The following ISOC2 variants were observed in gnomAD, a reference collection of about 807,000 sequenced individuals.
The protein encoded by ISOC2 is isochorismatase domain-containing protein 2.
A neutral mutation model predicts 19.3 loss-of-function variants in ISOC2; 15 were observed. That is an observed-to-expected ratio of 0.78 (90% CI 0.52 to 1.20). The LOEUF (loss-of-function observed/expected upper bound fraction) is 1.20. Among genes scored for constraint, ISOC2 ranks in the 50% most tolerant of loss-of-function variants. The pLI is 0.00. For missense variants in ISOC2, 285 were observed against 272.4 expected (o/e 1.05, Z -0.33); for synonymous variants, 106 against 115.8 (o/e 0.92, Z 0.54).
rs556742412 is a variant in ISOC2 at position 55,456,361 on chromosome 19, G to A, written c.126C>T (p.Ala42=). 1.3e-5 allele frequency: 21 copies of A among 1,613,904 alleles called. No homozygotes were observed. In the South Asian group the frequency reaches 2.2e-4, roughly 17 times the overall value. ...AYFPQIVSVA[A]RMLKVARLLE... Reference sequence around the variant, plus strand: ...GCTGAGGTCATACCTTGAGCATGCGGGCAGCCACTGAGACGATCTGTGGGA... The same window carrying A: ...GCTGAGGTCATACCTTGAGCATGCGAGCAGCCACTGAGACGATCTGTGGGA... Residue 42 remains alanine (A), a synonymous_variant, in exon 2 of 6, where the codon GCC becomes GCT. Coordinates refer to ENST00000425675, the MANE Select transcript of ISOC2 (RefSeq NM_001136201.2).
intron 1 of ISOC2, chr19:55,457,103 A>G (rs1183541235): frequency 6.5e-6 from 1 of 153,302 alleles, no homozygotes; most frequent in Non-Finnish European, 1.5e-5. Flanking sequence ...CTGCTCCAAG[A>G]GGAAACTGAG....
At position 55,456,462 on chromosome 19, in the gene ISOC2, C is replaced by G. The variant is rs757689117; in HGVS notation, c.25G>C (p.Gly9Arg). The change falls in exon 2 of 6, where the codon GGC becomes CGC. Residue 9 changes from glycine to arginine, a missense_variant. Transcript: ENST00000425675. MAAARPSL[G>R]RVLPGSSVLF... ...ACAGAGGATCCTGGGAGGACTCGGC[C>G]CAGGCTGGGCCTGGCAGCCGCCATT... is the stretch of plus-strand genomic sequence containing the variant. The G allele has an allele frequency of 6.2e-7, 1 of 1,613,240 alleles. No individual in the cohort carries two copies. The highest frequency in any genetic ancestry group is 8.5e-7 in the Non-Finnish European group (1 of 1,179,614).
At position 55,455,752 on chromosome 19, in the gene ISOC2, G is replaced by A. The variant is rs769034749; in HGVS notation, c.232C>T (p.Arg78Trp). The A allele has an allele frequency of 9.9e-5, 158 of 1,593,784 alleles. No individual in the cohort carries two copies. The highest frequency in any genetic ancestry group is 1.2e-4 in the Non-Finnish European group (145 of 1,170,966). The stretch of plus-strand genomic sequence containing the variant: ...CTGAAGCAGGTCTTGGCCAGCGGCC[G>A]AAGGCCCTCAGTCCCCAGCTCGGGC... ...TVPELGTEGL[R>W]PLAKTCFSMV... The change falls in exon 3 of 6, where the codon CGG (arginine) becomes TGG (tryptophan). Residue 78 changes from arginine (R) to tryptophan (W), a missense_variant. Transcript: ENST00000425675.
intron 1 of ISOC2, among the ~76,000 whole-genome samples, chr19:55,457,631 C>A (rs1353636727): frequency 6.6e-6 from 1 of 151,894 alleles, no homozygotes; most frequent in East Asian, 1.9e-4. Flanking sequence ...GGGTTTGAGA[C>A]CAGCCTGGCC....
At chr19:55,454,887 C>T in intron 5 of ISOC2, 102 bp downstream of exon 5, 3 of 871,468 alleles carry the variant, frequency 3.4e-6, no homozygotes, top group Non-Finnish European at 5.7e-6. Context: ...CCTGGCTCCC[C>T]CTGGAGGCGG....
chr19:55,458,073 A>C (rs1344358760), intron 1 of ISOC2, among the ~76,000 whole-genome samples: 1 of 148,750 alleles, frequency 6.7e-6, no homozygotes, highest in African/African-American at 2.5e-5. Context: ...AAAAAAAAAG[A>C]AAAGAAAGAA....
At chr19:55,461,227 C>A (rs1006632000) in intron 1 of ISOC2, among the ~76,000 whole-genome samples, 7 of 152,150 alleles carry the variant, frequency 4.6e-5, no homozygotes, top group Non-Finnish European at 7.3e-5. Context: ...GCCCGGACTT[C>A]CTGGCTGTGT....
intron 3 of ISOC2, 63 bp downstream of exon 3, chr19:55,455,573 T>C: frequency 7.3e-7 from 1 of 1,370,728 alleles, no homozygotes; most frequent in Non-Finnish European, 9.9e-7. Flanking sequence ...GGGAAGGAGG[T>C]TCTATTTAGG....
Position 55,453,266 on chromosome 19 carries a change from G to C in ISOC2, c.*42C>G. 1 of 1,464,392 alleles carries C rather than the reference G, an allele frequency of 6.8e-7. No individual in the cohort carries two copies. The highest frequency in any genetic ancestry group is 9.4e-7 in the Non-Finnish European group (1 of 1,065,874). The allele number at this position is 1,464,392 out of a possible 1,614,324, so 90.7% of individuals were successfully genotyped here. On this transcript the variant is annotated 3_prime_UTR_variant, in exon 6 of 6. Coordinates refer to ENST00000425675, the MANE Select transcript of ISOC2 (RefSeq NM_001136201.2). ...GGGGAACGGGCTTCCACTGAGGTCC[G>C]GGTGACAGGAGGGTGGTCTTCCCTC...
intron 5 of ISOC2, chr19:55,454,708 T>C: frequency 2.1e-6 from 1 of 479,696 alleles, no homozygotes; most frequent in African/African-American, 1.9e-5. Flanking sequence ...TAAAGTCACC[T>C]GCTCCAGGAT....
Position 55,455,662 on chromosome 19 carries a change from C to T in ISOC2, c.322G>A (p.Gly108Ser). The change falls in exon 3 of 6, where the codon GGC becomes AGC. Residue 108 changes from glycine (G) to serine (S), a missense_variant. Transcript: ENST00000425675. ...AAGATGCAGGCCTGTGCCTCAATGC[C>T]ACAGAGCAGCACAGAGCGCAGCTGG... ...RPQLRSVLLC[G>S]IEAQACILNT... The T allele has an allele frequency of 6.2e-7, 1 of 1,602,648 alleles. No individual in the cohort carries two copies. The highest frequency in any genetic ancestry group is 2.2e-5 in the East Asian group (1 of 44,576).
chr19:55,455,626 A>G lies in ISOC2; in HGVS notation c.348+10T>C. On this transcript the variant is annotated intron_variant, in intron 3 of 5. Coordinates refer to ENST00000425675, the MANE Select transcript of ISOC2 (RefSeq NM_001136201.2). ...GAACGAGGGACCCCTGGGGTCAGTC[A>G]GCATCTCACCAAGATGCAGGCCTGT... is the stretch of plus-strand genomic sequence containing the variant. 1 of 1,572,856 alleles carries G rather than the reference A, an allele frequency of 6.4e-7. No individual in the cohort carries two copies. The highest frequency in any genetic ancestry group is 8.7e-7 in the Non-Finnish European group (1 of 1,153,954).
chr19:55,455,692 G>T lies in ISOC2; in HGVS notation c.292C>A (p.Arg98=). ...AGCAGCACAGAGCGCAGCTGGGGCC[G>T]ACTGTCCAGCTCCTGCTGCAGGGCA... ...VPALQQELDS[R]PQLRSVLLCG... Residue 98 remains arginine, a synonymous_variant, in exon 3 of 6, where the codon CGG becomes AGG. Coordinates refer to ENST00000425675, the MANE Select transcript of ISOC2 (RefSeq NM_001136201.2). 1.2e-6 allele frequency: 2 copies of T among 1,610,744 alleles called. No individual in the cohort carries two copies. Among genetic ancestry groups the T allele is most frequent in the South Asian group, 1.1e-5 (1 of 90,554 alleles).
intron 5 of ISOC2, chr19:55,454,554 G>A: frequency 6.1e-6 from 1 of 162,894 alleles, no homozygotes; most frequent in South Asian, 1.7e-4. Context: ...TGGAGGAGGG[G>A]CACCCGGGCC....
chr19:55,454,592 G>A (rs1286418051), intron 5 of ISOC2: 2 of 174,076 alleles, frequency 1.1e-5, no homozygotes, highest in Admixed American at 1.2e-4. Context: ...AGGAGATGGA[G>A]AGTTGGAGAT....
rs1986054111 is a variant in ISOC2 at position 55,456,183 on chromosome 19, T to C, written c.138+166A>G. 3 of 574,324 alleles carry C rather than the reference T, an allele frequency of 5.2e-6. No homozygotes were observed. The Admixed American group carries it at 9.6e-5, about 18-fold the overall frequency. 35.6% of individuals were successfully genotyped at this position (574,324 alleles called of 1,614,324 possible). A position where few individuals can be genotyped will look rare whatever the true frequency, so the allele number is the denominator to read the frequency against. On this transcript the variant is annotated intron_variant, in intron 2 of 5. Coordinates refer to ENST00000425675, the MANE Select transcript of ISOC2 (RefSeq NM_001136201.2). ...CTGAGGGTGGAGGGCTGAGCCTGGA[T>C]CCTGGATCTGAGGGTGGAGGGCTGA...
In ISOC2 at chr19:55,455,633, C is replaced by T; in HGVS notation, c.348+3G>A. On this transcript the variant is annotated splice_donor_region_variant and intron_variant, in intron 3 of 5. Transcript: ENST00000425675. ...GGACCCCTGGGGTCAGTCAGCATCT[C>T]ACCAAGATGCAGGCCTGTGCCTCAA... 1.3e-6 allele frequency: 2 copies of T among 1,581,156 alleles called. No individual in the cohort carries two copies. Among genetic ancestry groups the T allele is most frequent in the South Asian group, 2.3e-5 (2 of 88,150 alleles).
At position 55,453,371 on chromosome 19, in the gene ISOC2, C is replaced by G; in HGVS notation, c.555G>C (p.Lys185Asn). The change falls in exon 6 of 6, where the codon AAG (lysine) becomes AAC (asparagine). Residue 185 changes from lysine (K) to asparagine (N), a missense_variant. Transcript: ENST00000425675. Reference sequence around the variant, plus strand: ...GCAGTCCGCTGTCTGGGGCGGGCTCCTTGATGAGTTTCTGGATCTGTAAGG... The same window carrying G: ...GCAGTCCGCTGTCTGGGGCGGGCTCGTTGATGAGTTTCTGGATCTGTAAGG... ...PQFKEIQKLI[K>N]EPAPDSGLLG... is the part of the protein sequence containing the mutation. 1 of 1,605,306 alleles carries G rather than the reference C, an allele frequency of 6.2e-7. No individual in the cohort carries two copies. The highest frequency in any genetic ancestry group is 8.5e-7 in the Non-Finnish European group (1 of 1,176,174).
chr19:55,455,188 T>C, intron 4 of ISOC2, 72 bp downstream of exon 4: 1 of 1,562,666 alleles, frequency 6.4e-7, no homozygotes, highest in Non-Finnish European at 8.7e-7. Flanking sequence ...CTGGTGGGAA[T>C]GCCGCCTGTG....
Sources: gnomAD v4.1 joint callset for allele counts (sites outside exome capture counted in the v4.1 genomes callset) on GRCh38, gnomAD v4.1.1 for gene constraint, MANE v1.5 for transcripts, NCBI Gene and HGNC (gene_info 2026-07-23, HGNC 2026-07-21) for gene names.